Variants in NCOA2 observed in about 807,000 individuals in gnomAD.
NCOA2 encodes the protein nuclear receptor coactivator 2, also known as class E basic helix-loop-helix protein 75.
NCOA2 carries 21 observed loss-of-function variants against 145.1 expected under a neutral mutation model. That is an observed-to-expected ratio of 0.14 (90% confidence interval 0.10 to 0.21). NCOA2 has a LOEUF of 0.21. Among genes scored for constraint, NCOA2 ranks in the 10% least tolerant of loss-of-function variants. The pLI, the probability that NCOA2 is intolerant of heterozygous loss-of-function variation, is 1.00. For missense variants in NCOA2, 1,472 were observed against 1,837.6 expected, an observed-to-expected ratio of 0.80 and a Z score of 3.64; for synonymous variants, 619 against 637.5, an observed-to-expected ratio of 0.97 and a Z score of 0.44.
intron 1 of NCOA2, among the ~76,000 whole-genome samples, chr8:70,400,282 T>C (rs143354367): frequency 2.2e-4 from 33 of 152,270 alleles, no homozygotes; most frequent in Admixed American, 5.2e-4. Context: ...TGTTTAAGAC[T>C]GAAATTCCCA....
At chr8:70,430,554 C>T in the NCOA2 span, among the ~76,000 whole-genome samples, 1 of 152,188 alleles carries the variant, frequency 6.6e-6, no homozygotes, top group Admixed American at 6.5e-5. Flanking sequence ...GGCAGTTCCT[C>T]GCTCAGTTTC....
intron 1 of NCOA2, among the ~76,000 whole-genome samples, chr8:70,354,714 A>G (rs1459959753): frequency 6.6e-6 from 1 of 152,204 alleles, no homozygotes; most frequent in Non-Finnish European, 1.5e-5. Flanking sequence ...TAATATTAAG[A>G]GTTTAATATT....
chr8:70,398,315 T>C (rs1380880046), intron 1 of NCOA2, among the ~76,000 whole-genome samples: 2 of 152,030 alleles, frequency 1.3e-5, no homozygotes, highest in Admixed American at 6.6e-5. Flanking sequence ...AAAAATTAGC[T>C]AGGCGTGGAG....
At chr8:70,427,985 G>A in the NCOA2 span, among the ~76,000 whole-genome samples, 2 of 151,846 alleles carry the variant, frequency 1.3e-5, no homozygotes, top group Non-Finnish European at 2.9e-5. Flanking sequence ...TCCTTCTTGA[G>A]GTTTTTTTTA....
chr8:70,201,323 C>T (rs1563611547), intron 4 of NCOA2, among the ~76,000 whole-genome samples: 1 of 152,136 alleles, frequency 6.6e-6, no homozygotes, highest in Non-Finnish European at 1.5e-5. Context: ...ATCTGACATG[C>T]TGATAAACAC....
intron 4 of NCOA2, among the ~76,000 whole-genome samples, chr8:70,176,654 T>A (rs1044476425): frequency 1.1e-4 from 16 of 152,212 alleles, no homozygotes; most frequent in Non-Finnish European, 1.9e-4. Flanking sequence ...TACTTTTTAA[T>A]TTTTTTGGCA....
chr8:70,123,808 A>G (rs1808095392), intron 21 of NCOA2, 76 bp downstream of exon 21: 2 of 1,271,036 alleles, frequency 1.6e-6, no homozygotes, highest in Non-Finnish European at 2.1e-6. Flanking sequence ...AGATACATGG[A>G]AAGATATATT....
chr8:70,251,914 G>A (rs1035927008), intron 2 of NCOA2, among the ~76,000 whole-genome samples: 2 of 152,140 alleles, frequency 1.3e-5, no homozygotes, highest in African/African-American at 4.8e-5. Context: ...TATCCACAGG[G>A]TATTGGTTCC....
chr8:70,253,527 C>T (rs1823378581), intron 2 of NCOA2, among the ~76,000 whole-genome samples: 1 of 151,996 alleles, frequency 6.6e-6, no homozygotes, highest in Admixed American at 6.6e-5. Context: ...AATGATGAAA[C>T]TCTGAACTTA....
intron 15 of NCOA2, 85 bp downstream of exon 15, chr8:70,138,118 G>A: frequency 7.0e-7 from 1 of 1,419,950 alleles, no homozygotes; most frequent in Non-Finnish European, 9.6e-7. Context: ...AATGAAAACT[G>A]GTCAGGCACC....
chr8:70,123,801 T>C (rs777641816), intron 21 of NCOA2, 83 bp downstream of exon 21: 204 of 1,207,364 alleles, frequency 1.7e-4, no homozygotes, highest in Non-Finnish European at 1.1e-4. Context: ...TAAAGTCAGA[T>C]ACATGGAAAG....
the NCOA2 span, among the ~76,000 whole-genome samples, chr8:70,414,787 C>A: frequency 1.3e-5 from 2 of 152,164 alleles, no homozygotes; most frequent in Admixed American, 1.3e-4. Flanking sequence ...TGCTTTCCAT[C>A]TAAGACTTCA....
chr8:70,132,132 A>G (rs1028449945), intron 15 of NCOA2, 130 bp from the exon 16 acceptor site: 2 of 876,112 alleles, frequency 2.3e-6, no homozygotes, highest in African/African-American at 3.4e-5. Flanking sequence ...TACCAACTCA[A>G]CACAGAACAA....
chr8:70,403,000 G>A (rs1229779464), intron 1 of NCOA2, among the ~76,000 whole-genome samples: 1 of 140,814 alleles, frequency 7.1e-6, no homozygotes, highest in Non-Finnish European at 1.6e-5. Context: ...CCCCGGGGCT[G>A]ACACGGGCCC....
At chr8:70,260,897 A>G (rs955154298) in intron 2 of NCOA2, among the ~76,000 whole-genome samples, 1 of 152,182 alleles carries the variant, frequency 6.6e-6, no homozygotes, top group Non-Finnish European at 1.5e-5. Flanking sequence ...CAAAACCACA[A>G]TGAGATACCA....
At chr8:70,259,952 T>C (rs1342680839) in intron 2 of NCOA2, among the ~76,000 whole-genome samples, 1 of 152,236 alleles carries the variant, frequency 6.6e-6, no homozygotes, top group Non-Finnish European at 1.5e-5. Flanking sequence ...ACACAAGGGT[T>C]ATTAGCCAGC....
intron 4 of NCOA2, among the ~76,000 whole-genome samples, chr8:70,195,343 C>T (rs1817177370): frequency 6.6e-6 from 1 of 152,144 alleles, no homozygotes; most frequent in Non-Finnish European, 1.5e-5. Flanking sequence ...GAGCTGTAAA[C>T]ACTAGAGTGA....
At chr8:70,246,616 A>C (rs1822647051) in intron 2 of NCOA2, among the ~76,000 whole-genome samples, 1 of 152,258 alleles carries the variant, frequency 6.6e-6, no homozygotes, top group African/African-American at 2.4e-5. Flanking sequence ...GTAAGTGTAC[A>C]GTTCAATAGG....
At chr8:70,250,510 CAGTGAGCTG>C (rs1283199074) in intron 2 of NCOA2, among the ~76,000 whole-genome samples, 1 of 151,522 alleles carries the variant, frequency 6.6e-6, no homozygotes, top group Admixed American at 6.6e-5. Flanking sequence ...GCAGAGGATG[CAGTGAGCTG>C]AGATTGTGCC....
Sources: allele counts gnomAD v4.1 joint callset (sites outside exome capture counted in the v4.1 genomes callset), GRCh38; gene constraint gnomAD v4.1.1; transcripts MANE v1.5; gene names NCBI Gene and HGNC (gene_info 2026-07-23, HGNC 2026-07-21).